The following GLIS3 variants were observed in gnomAD, a reference collection of about 807,000 sequenced individuals.
The protein encoded by GLIS3 is GLIS family zinc finger 3.
GLIS3 carries 53 observed loss-of-function variants against 78.6 expected under a neutral mutation model. The ratio of observed to expected loss-of-function variants is 0.67; its 90% CI spans 0.54 to 0.85. GLIS3 has a LOEUF of 0.85. GLIS3 is among the 40% of genes least tolerant of loss of function. The pLI, the probability that GLIS3 is intolerant of heterozygous loss-of-function variation, is 0.00. For missense variants in GLIS3, 1,703 were observed against 1,231.1 expected, an observed-to-expected ratio of 1.38 and a Z score of -5.74; for synonymous variants, 684 against 509.9, an observed-to-expected ratio of 1.34 and a Z score of -4.60.
rs1219269048 is a variant in GLIS3 at position 4,068,798 on chromosome 9, T to C, written c.1710+48970A>G. On this transcript the variant is annotated intron_variant, in intron 4 of 10. Coordinates refer to ENST00000381971, the MANE Select transcript of GLIS3 (RefSeq NM_001042413.2). ...TTTTTTCTTTCTTGACTACAGGTTT[T>C]TGTTATTTTTTGTGCATGCATGCAT... Among the ~76,000 whole-genome samples the C allele has an allele frequency of 5.3e-5, 8 of 149,546 alleles. No homozygotes were observed. The Admixed American group carries it at 5.4e-4, about 10-fold the overall frequency.
intron 2 of GLIS3, among the ~76,000 whole-genome samples, chr9:4,224,860 C>A (rs1563785665): frequency 6.6e-6 from 1 of 151,900 alleles, no homozygotes; most frequent in Admixed American, 6.6e-5. Flanking sequence ...ACTTTTCAAA[C>A]ACTGTCAATA....
intron 3 of GLIS3, among the ~76,000 whole-genome samples, chr9:4,309,932 A>G (rs1235210925): frequency 6.6e-6 from 1 of 152,214 alleles, no homozygotes; most frequent in Non-Finnish European, 1.5e-5. Flanking sequence ...GGTATGAAAA[A>G]AATGTCTGTG....
chr9:4,352,603 A>C (rs577123140), upstream of GLIS3, among the ~76,000 whole-genome samples: 8 of 152,170 alleles, frequency 5.3e-5, no homozygotes, highest in Admixed American at 5.2e-4. Flanking sequence ...CTGTAGAGGG[A>C]GGTTTCTTCC....
chr9:4,130,537 T>G (rs1447276592), intron 2 of GLIS3, among the ~76,000 whole-genome samples: 1 of 152,212 alleles, frequency 6.6e-6, no homozygotes, highest in Non-Finnish European at 1.5e-5. Flanking sequence ...GGGGCCCAGG[T>G]ACAGCTCAGG....
At chr9:3,869,721 C>T (rs1434622023) in intron 8 of GLIS3, among the ~76,000 whole-genome samples, 1 of 152,170 alleles carries the variant, frequency 6.6e-6, no homozygotes, top group African/African-American at 2.4e-5. Flanking sequence ...CTTTCTCAAA[C>T]CTTCCTTAGG....
the GLIS3 span, among the ~76,000 whole-genome samples, chr9:4,355,070 G>A: frequency 6.6e-5 from 10 of 151,430 alleles, no homozygotes; most frequent in African/African-American, 2.2e-4. Context: ...GGCGGAGGTT[G>A]CAGTGAGCCG....
At chr9:4,363,162 C>T in the GLIS3 span, among the ~76,000 whole-genome samples, 2 of 152,168 alleles carry the variant, frequency 1.3e-5, no homozygotes, top group Non-Finnish European at 2.9e-5. Context: ...GTGGCTCACA[C>T]ATGTAATCTC....
At chr9:4,361,124 A>T in the GLIS3 span, among the ~76,000 whole-genome samples, 1 of 152,184 alleles carries the variant, frequency 6.6e-6, no homozygotes, top group South Asian at 2.1e-4. Flanking sequence ...GGGCCGATGC[A>T]CTCATTCCTG....
At chr9:4,254,550 T>A (rs756487112) in intron 2 of GLIS3, among the ~76,000 whole-genome samples, 3 of 152,140 alleles carry the variant, frequency 2.0e-5, no homozygotes, top group Non-Finnish European at 4.4e-5. Flanking sequence ...AACAAAAAGA[T>A]AAGAAATGAC....
rs576814063 is a variant in GLIS3, at chr9:4,265,026, G to C, written c.388+21012C>G. On this transcript the variant is annotated intron_variant, in intron 2 of 10. Transcript: ENST00000381971. ...CTAAAAATACAAAAAAAAAAAATTA[G>C]CCGGGTGTGGTGGCGGGCGCCTGTA... is the stretch of plus-strand genomic sequence containing the variant. Among the ~76,000 whole-genome samples, 3 of 149,258 alleles carry C rather than the reference G, an allele frequency of 2.0e-5. No individual in the cohort carries two copies. In the East Asian group the frequency reaches 5.8e-4, roughly 29 times the overall value.
chr9:4,028,871 G>T (rs1823573916), intron 4 of GLIS3, among the ~76,000 whole-genome samples: 1 of 152,102 alleles, frequency 6.6e-6, no homozygotes, highest in Non-Finnish European at 1.5e-5. Context: ...AATAAATGTT[G>T]CCAGGACTGT....
chr9:4,414,633 G>A, the GLIS3 span, among the ~76,000 whole-genome samples: 1 of 151,974 alleles, frequency 6.6e-6, no homozygotes, highest in Non-Finnish European at 1.5e-5. Context: ...TGGGTAACAA[G>A]GATTCATTGC....
intron 2 of GLIS3, among the ~76,000 whole-genome samples, chr9:4,195,900 T>C (rs563782081): frequency 2.6e-5 from 4 of 152,366 alleles, no homozygotes; most frequent in East Asian, 1.9e-4. Context: ...AGCTAGAGGA[T>C]TGTAAATGCA....
rs148628763 is a variant in GLIS3 at position 4,336,198 on chromosome 9, G to T, written n.264+10883C>A. ...TCTTCTCCCTGACCTAATCTTGGGA[G>T]TCTCCAAAAAGCATCTCATGTGGAT... On this transcript the variant is annotated intron_variant and non_coding_transcript_variant, in intron 2 of 4. Coordinates refer to the GLIS3 transcript ENST00000471664. Among the ~76,000 whole-genome samples the T allele has an allele frequency of 1.1e-4, 16 of 152,354 alleles. 1 individual carries two copies. The South Asian group carries it at 3.3e-3, about 32-fold the overall frequency.
intron 4 of GLIS3, among the ~76,000 whole-genome samples, chr9:3,961,608 C>T (rs1316729718): frequency 6.6e-6 from 1 of 152,210 alleles, no homozygotes; most frequent in Non-Finnish European, 1.5e-5. Context: ...GAGGAAATAG[C>T]ATCCCGTTTT....
intron 6 of GLIS3, among the ~76,000 whole-genome samples, chr9:3,917,228 C>T (rs1824573407): frequency 6.6e-6 from 1 of 152,266 alleles, no homozygotes; most frequent in African/African-American, 2.4e-5. Context: ...GCTTTGTACC[C>T]AAGTTGCTGG....
At chr9:4,366,542 G>A in the GLIS3 span, among the ~76,000 whole-genome samples, 6 of 152,194 alleles carry the variant, frequency 3.9e-5, no homozygotes, top group Non-Finnish European at 5.9e-5. Context: ...GAGAAGGAAC[G>A]TTCCATTCCA....
At chr9:4,043,932 C>T (rs182254889) in intron 4 of GLIS3, among the ~76,000 whole-genome samples, 24 of 152,332 alleles carry the variant, frequency 1.6e-4, no homozygotes, top group African/African-American at 5.5e-4. Context: ...CAGAACCTGA[C>T]ACCTGCAGCA....
chr9:3,958,441 C>T (rs1037760502), intron 4 of GLIS3, among the ~76,000 whole-genome samples: 3 of 152,098 alleles, frequency 2.0e-5, no homozygotes, highest in African/African-American at 7.2e-5. Flanking sequence ...CAATAATGCC[C>T]ACAAGTAATG....
Sources: gnomAD v4.1 joint callset for allele counts (sites outside exome capture counted in the v4.1 genomes callset) on GRCh38, gnomAD v4.1.1 for gene constraint, MANE v1.5 for transcripts, NCBI Gene and HGNC (gene_info 2026-07-23, HGNC 2026-07-21) for gene names.